Variants in RAD18 observed in about 807,000 individuals in gnomAD.
The protein encoded by RAD18 is E3 ubiquitin-protein ligase RAD18.
RAD18 carries 47 observed loss-of-function variants against 60.4 expected under a neutral mutation model. The ratio of observed to expected loss-of-function variants is 0.78; its 90% CI spans 0.62 to 0.99. RAD18 has a LOEUF of 0.99. RAD18 is among the 50% of genes least tolerant of loss of function. RAD18 has a pLI of 0.00. For synonymous variants in RAD18, 225 were observed against 195.5 expected, an observed-to-expected ratio of 1.15 and a Z score of -1.26; for missense variants, 640 against 593.3, an observed-to-expected ratio of 1.08 and a Z score of -0.82.
chr3:8,904,176 C>G lies in RAD18; in HGVS notation c.1028-1656G>C, dbSNP rs981716851. ...TTCCTCATCTGTAAATGTGATGATT[C>G]TTTGGCTCCTTCTTTGATCACCTCA... is the stretch of plus-strand genomic sequence containing the variant. On this transcript the variant is annotated intron_variant, in intron 9 of 12. Transcript: ENST00000264926. 2.0e-5 allele frequency among the ~76,000 whole-genome samples: 3 copies of G among 152,170 alleles called. No homozygotes were observed. In the East Asian group the frequency reaches 5.8e-4, roughly 29 times the overall value.
At chr3:8,939,701 G>C (rs1298353147) in intron 5 of RAD18, 48 bp from the exon 6 acceptor site, 2 of 1,482,544 alleles carry the variant, frequency 1.3e-6, no homozygotes, top group Non-Finnish European at 1.9e-6. Context: ...TTGTAGAAGG[G>C]GCAAAAGTAT....
At chr3:8,910,087 C>G (rs541674299) in intron 9 of RAD18, among the ~76,000 whole-genome samples, 2 of 152,104 alleles carry the variant, frequency 1.3e-5, no homozygotes, top group African/African-American at 4.8e-5. Context: ...TCCAGAAGAG[C>G]AGCCATGTAT....
At chr3:8,906,894 T>C (rs1335778669) in intron 9 of RAD18, among the ~76,000 whole-genome samples, 2 of 152,162 alleles carry the variant, frequency 1.3e-5, no homozygotes, top group Non-Finnish European at 2.9e-5. Context: ...TTCTTTGACC[T>C]ATGGGTTATT....
At chr3:8,920,011 A>G (rs1392075299) in intron 7 of RAD18, among the ~76,000 whole-genome samples, 2 of 152,214 alleles carry the variant, frequency 1.3e-5, no homozygotes, top group Non-Finnish European at 2.9e-5. Flanking sequence ...GGCCGGGCGC[A>G]GTGGCTCACG....
intron 11 of RAD18, among the ~76,000 whole-genome samples, chr3:8,895,715 C>T (rs979083805): frequency 2.6e-5 from 4 of 152,156 alleles, no homozygotes. Flanking sequence ...AAGATGTATA[C>T]TGAGTTGGCC....
intron 7 of RAD18, among the ~76,000 whole-genome samples, chr3:8,915,263 C>T (rs1940179356): frequency 2.0e-5 from 3 of 151,860 alleles, no homozygotes; most frequent in Admixed American, 6.6e-5. Context: ...AATAATGTCA[C>T]TCTCACCCTA....
chr3:8,923,358 T>C (rs925311714), intron 7 of RAD18, among the ~76,000 whole-genome samples: 1 of 152,134 alleles, frequency 6.6e-6, no homozygotes, highest in Admixed American at 6.5e-5. Context: ...AAGAGAAGTT[T>C]AGAGAACAAA....
chr3:8,931,264 G>A (rs142256029), intron 7 of RAD18, among the ~76,000 whole-genome samples: 156 of 152,076 alleles, frequency 1.0e-3, no homozygotes, highest in African/African-American at 3.7e-3. Flanking sequence ...ACTCACAATA[G>A]CACCAAAAGA....
At chr3:8,922,611 C>T (rs1940344570) in intron 7 of RAD18, among the ~76,000 whole-genome samples, 1 of 152,222 alleles carries the variant, frequency 6.6e-6, no homozygotes, top group South Asian at 2.1e-4. Flanking sequence ...AATGGACAGA[C>T]TGCCTCTTCA....
intron 2 of RAD18, among the ~76,000 whole-genome samples, chr3:8,955,306 C>T (rs551502766): frequency 1.3e-5 from 2 of 152,290 alleles, no homozygotes; most frequent in South Asian, 2.1e-4. Context: ...GAAACACGGT[C>T]CAATGTTCTA....
intron 1 of RAD18, among the ~76,000 whole-genome samples, chr3:8,961,180 C>T (rs1941090296): frequency 6.6e-6 from 1 of 152,152 alleles, no homozygotes; most frequent in Non-Finnish European, 1.5e-5. Context: ...ATCAGATGAG[C>T]CATTTCTGGT....
intron 7 of RAD18, among the ~76,000 whole-genome samples, chr3:8,917,696 A>T (rs1227617644): frequency 1.0e-5 from 1 of 97,822 alleles, no homozygotes; most frequent in East Asian, 2.2e-4. Flanking sequence ...TGCTCAATCC[A>T]AAAAACAGCA....
intron 9 of RAD18, among the ~76,000 whole-genome samples, chr3:8,904,429 T>A (rs1363179319): frequency 6.6e-6 from 1 of 152,180 alleles, no homozygotes; most frequent in Non-Finnish European, 1.5e-5. Context: ...AATTACAATA[T>A]TTTTATGTGT....
At position 8,939,638 on chromosome 3, in the gene RAD18, C is replaced by T. The variant is rs181193023; in HGVS notation, c.620G>A (p.Cys207Tyr). ...GTGACTTTCTGGAATGTTAACCCCGCAAACAGGACAATCCACTGTATTTTT... is the reference window on the plus strand; with the variant it reads ...GTGACTTTCTGGAATGTTAACCCCGTAAACAGGACAATCCACTGTATTTTT... Reference protein sequence around the residue: ...KQVTKVDCPVCGVNIPESHIN... With the variant: ...KQVTKVDCPVYGVNIPESHIN... Residue 207 changes from cysteine (C) to tyrosine (Y), a missense_variant, in exon 6 of 13, where the codon TGC (cysteine) becomes TAC (tyrosine). Coordinates refer to ENST00000264926, the MANE Select transcript of RAD18 (RefSeq NM_020165.4). 1.2e-6 allele frequency: 2 copies of T among 1,611,782 alleles called. No individual in the cohort carries two copies. Among genetic ancestry groups the T allele is most frequent in the Admixed American group, 1.7e-5 (1 of 59,898 alleles).
At position 8,902,415 on chromosome 3, in the gene RAD18, T is replaced by C. The variant is rs200199070; in HGVS notation, c.1133A>G (p.Asp378Gly). The change falls in exon 10 of 13, where the codon GAT (aspartate) becomes GGT (glycine). Residue 378 changes from aspartate to glycine, a missense_variant. By Grantham distance (94) the Asp-to-Gly change is moderately conservative (BLOSUM62 -1). Transcript: ENST00000264926. Reference protein sequence around the residue: ...SQKTVTITKEDESTEKLSSVC... With the variant: ...SQKTVTITKEGESTEKLSSVC... Reference sequence around the variant, plus strand: ...AGAAGATAGCTTTTCTGTAGATTCATCTTCTTTTGTTATTGTTACTGTTTT... The same window carrying C: ...AGAAGATAGCTTTTCTGTAGATTCACCTTCTTTTGTTATTGTTACTGTTTT... 1.2e-6 allele frequency: 2 copies of C among 1,609,392 alleles called. No individual in the cohort carries two copies. The highest frequency in any genetic ancestry group is 1.3e-5 in the African/African-American group (1 of 74,600).
At chr3:8,928,823 T>G (rs1053804980) in intron 7 of RAD18, among the ~76,000 whole-genome samples, 3 of 151,412 alleles carry the variant, frequency 2.0e-5, no homozygotes, top group African/African-American at 7.4e-5. Flanking sequence ...TATGCAATAT[T>G]CACCAGGAAG....
intron 7 of RAD18, among the ~76,000 whole-genome samples, chr3:8,919,603 C>A (rs935695006): frequency 1.3e-5 from 2 of 152,190 alleles, no homozygotes; most frequent in Admixed American, 1.3e-4. Flanking sequence ...TATGTATCCA[C>A]GTGTGCGTAT....
intron 7 of RAD18, among the ~76,000 whole-genome samples, chr3:8,929,483 T>C (rs1940510749): frequency 1.3e-5 from 2 of 152,284 alleles, no homozygotes; most frequent in South Asian, 2.1e-4. Flanking sequence ...CCTCTGGCTA[T>C]AGATTCAACA....
chr3:8,933,320 G>C (rs747147792), intron 7 of RAD18, among the ~76,000 whole-genome samples: 2 of 152,092 alleles, frequency 1.3e-5, no homozygotes, highest in African/African-American at 2.4e-5. Flanking sequence ...GAGTAAAAGA[G>C]AGGGAATATA....
Sources: gnomAD v4.1 joint callset for allele counts (sites outside exome capture counted in the v4.1 genomes callset) on GRCh38, gnomAD v4.1.1 for gene constraint, MANE v1.5 for transcripts, NCBI Gene and HGNC (gene_info 2026-07-23, HGNC 2026-07-21) for gene names.